SAMSN1: variants seen among roughly 807,000 people sequenced by gnomAD.
The protein encoded by SAMSN1 is SAM domain-containing protein SAMSN-1.
Under a neutral mutation model 42.0 loss-of-function variants are expected in SAMSN1, and 31 were observed. The ratio of observed to expected loss-of-function variants is 0.74; its 90% CI spans 0.55 to 1.00. The LOEUF (loss-of-function observed/expected upper bound fraction) is 1.00. Among genes scored for constraint, SAMSN1 ranks in the 50% least tolerant of loss-of-function variants. The pLI, the probability that SAMSN1 is intolerant of heterozygous loss-of-function variation, is 0.00. For synonymous variants in SAMSN1, 178 were observed against 151.9 expected (o/e 1.17, Z -1.26); for missense variants, 464 against 439.4 (o/e 1.06, Z -0.50).
chr21:14,621,838 C>T (rs1041802590), intron 2 of SAMSN1, among the ~76,000 whole-genome samples: 1 of 152,170 alleles, frequency 6.6e-6, no homozygotes, highest in Middle Eastern at 3.2e-3. Flanking sequence ...CAAGGGGGTC[C>T]CTGACCCTCG....
intron 1 of SAMSN1, among the ~76,000 whole-genome samples, chr21:14,647,782 CTGTT>C (rs1422730476): frequency 1.7e-4 from 23 of 135,344 alleles, no homozygotes; most frequent in Admixed American, 1.5e-4. Context: ...ATTTGGCTCT[CTGTT>C]TGTCTGTTGT....
At chr21:14,489,953 T>A (rs567450265) in intron 7 of SAMSN1, among the ~76,000 whole-genome samples, 70 of 152,244 alleles carry the variant, frequency 4.6e-4, no homozygotes, top group African/African-American at 1.6e-3. Context: ...GTGAAGATAG[T>A]TTTAAGGAAA....
chr21:14,593,944 G>C (rs1393076472), intron 7 of SAMSN1: 1 of 707,136 alleles, frequency 1.4e-6, no homozygotes, highest in African/African-American at 1.8e-5. Flanking sequence ...AGTGCTTGTG[G>C]CATTAAAATG....
chr21:14,616,947 C>T (rs563885149), intron 2 of SAMSN1, among the ~76,000 whole-genome samples: 38 of 152,130 alleles, frequency 2.5e-4, no homozygotes, highest in Non-Finnish European at 4.7e-4. Flanking sequence ...AGATAGTGAT[C>T]GAAGGGGCCA....
intron 1 of SAMSN1, among the ~76,000 whole-genome samples, chr21:14,643,329 T>C (rs1983639713): frequency 6.6e-6 from 1 of 152,206 alleles, no homozygotes; most frequent in African/African-American, 2.4e-5. Flanking sequence ...AGCCAGGAAT[T>C]ACTATTACCA....
At chr21:14,652,228 GCCAAAGCTAT>G (rs1983848442) in intron 1 of SAMSN1, among the ~76,000 whole-genome samples, 1 of 151,874 alleles carries the variant, frequency 6.6e-6, no homozygotes, top group Non-Finnish European at 1.5e-5. Context: ...ACACAGAATA[GCCAAAGCTAT>G]CCTAAGCAAA....
intron 2 of SAMSN1, among the ~76,000 whole-genome samples, chr21:14,634,424 G>A (rs894661261): frequency 6.6e-6 from 1 of 151,928 alleles, no homozygotes; most frequent in Admixed American, 6.5e-5. Flanking sequence ...ATGTGACAAA[G>A]GTCTAGTATC....
intron 2 of SAMSN1, among the ~76,000 whole-genome samples, chr21:14,556,572 G>T (rs1018883420): frequency 1.3e-5 from 2 of 152,160 alleles, no homozygotes; most frequent in African/African-American, 2.4e-5. Context: ...TAACATAAAG[G>T]GTAATAAAAG....
chr21:14,529,466 A>C (rs761119418), intron 1 of SAMSN1, among the ~76,000 whole-genome samples: 3 of 152,220 alleles, frequency 2.0e-5, no homozygotes, highest in Non-Finnish European at 4.4e-5. Flanking sequence ...ATCATGTTGC[A>C]ACTAATGACA....
intron 2 of SAMSN1, among the ~76,000 whole-genome samples, chr21:14,635,362 A>G (rs1224960888): frequency 1.3e-5 from 2 of 152,176 alleles, no homozygotes; most frequent in African/African-American, 4.8e-5. Flanking sequence ...TTAAAAGGAA[A>G]AGAAAACCCT....
chr21:14,556,428 A>T lies in SAMSN1; in HGVS notation c.261+25708T>A, dbSNP rs141959267. On this transcript the variant is annotated intron_variant, in intron 2 of 8. Coordinates refer to the SAMSN1 transcript ENST00000285670. ...ATGAAAAAATGTGTATCACAGCTAA[A>T]TCAAATTTCCTATGTATATTACATA... 2.5e-3 allele frequency among the ~76,000 whole-genome samples: 376 copies of T among 152,322 alleles called. 1 individual carries two copies. The highest frequency in any genetic ancestry group is 8.5e-3 in the African/African-American group (354 of 41,574).
At chr21:14,619,476 A>G (rs1170237978) in intron 2 of SAMSN1, among the ~76,000 whole-genome samples, 3 of 152,244 alleles carry the variant, frequency 2.0e-5, no homozygotes, top group Non-Finnish European at 2.9e-5. Flanking sequence ...GATCAAGCAT[A>G]TAGTGCTTTA....
At position 14,646,518 on chromosome 21, in the gene SAMSN1, G is replaced by T. The variant is rs534265013; in HGVS notation, c.25-3385C>A. On this transcript the variant is annotated intron_variant, in intron 1 of 15. Coordinates refer to the SAMSN1 transcript ENST00000647101. ...GTCAGTCCTATAAGAAATGCTAAAG[G>T]GAGTACTTCAATCAGAAAGAAAAGG... Among the ~76,000 whole-genome samples the T allele has an allele frequency of 7.2e-5, 11 of 152,210 alleles. No homozygotes were observed. In the South Asian group the frequency reaches 2.1e-3, roughly 29 times the overall value.
chr21:14,622,011 C>A (rs183539723), intron 2 of SAMSN1, among the ~76,000 whole-genome samples: 4 of 152,210 alleles, frequency 2.6e-5, no homozygotes, highest in Non-Finnish European at 4.4e-5. Context: ...CCCAGGCAAA[C>A]AGGGTCTGGA....
At chr21:14,533,997 C>G (rs1979433570) in intron 1 of SAMSN1, among the ~76,000 whole-genome samples, 1 of 152,196 alleles carries the variant, frequency 6.6e-6, no homozygotes, top group Non-Finnish European at 1.5e-5. Flanking sequence ...CCACCTATTT[C>G]TAGGCTGTCT....
chr21:14,539,480 G>A (rs1444072201), intron 1 of SAMSN1, among the ~76,000 whole-genome samples: 1 of 152,026 alleles, frequency 6.6e-6, no homozygotes, highest in Non-Finnish European at 1.5e-5. Flanking sequence ...AAAATCACAA[G>A]CATTCTTACA....
intron 1 of SAMSN1, among the ~76,000 whole-genome samples, chr21:14,525,152 T>C (rs530108608): frequency 4.1e-4 from 63 of 152,336 alleles, no homozygotes; most frequent in African/African-American, 1.4e-3. Context: ...AATGCAATGT[T>C]GGATCCAGGC....
chr21:14,575,920 C>A (rs530333501), intron 2 of SAMSN1, among the ~76,000 whole-genome samples: 1 of 152,306 alleles, frequency 6.6e-6, no homozygotes, highest in East Asian at 1.9e-4. Flanking sequence ...ATCATGGATT[C>A]TTACTCATTC....
At chr21:14,583,428 C>T (rs989685179), upstream of SAMSN1, 2 of 483,796 alleles carry the variant, frequency 4.1e-6, no homozygotes, top group African/African-American at 2.0e-5. Flanking sequence ...CACTGTGTCT[C>T]GGAGCCCGGT....
Sources: allele counts gnomAD v4.1 joint callset (sites outside exome capture counted in the v4.1 genomes callset), GRCh38; gene constraint gnomAD v4.1.1; transcripts MANE v1.5; gene names NCBI Gene and HGNC (gene_info 2026-07-23, HGNC 2026-07-21).